FAM135A: variants seen among roughly 807,000 people sequenced by gnomAD.
FAM135A encodes family with sequence similarity 135 member A, also known as protein FAM135A.
Under a neutral mutation model 146.8 loss-of-function variants are expected in FAM135A, and 79 were observed. The ratio of observed to expected loss-of-function variants is 0.54; its 90% CI spans 0.45 to 0.65. The LOEUF is 0.65. Ranked by LOEUF, FAM135A falls within the 30% of genes least tolerant of loss-of-function variation. FAM135A has a pLI of 0.00. For missense variants in FAM135A, 1,623 were observed against 1,758.2 expected (o/e 0.92, Z 1.38); for synonymous variants, 562 against 603.6 (o/e 0.93, Z 1.01).
chr6:70,458,975 A>T (rs1778908395), intron 5 of FAM135A, among the ~76,000 whole-genome samples: 1 of 152,152 alleles, frequency 6.6e-6, no homozygotes. Flanking sequence ...CTGCCTCAAG[A>T]AATTGCTCCC....
Position 70,533,814 on chromosome 6 carries a change from C to G in FAM135A, c.3925C>G (p.Gln1309Glu). Residue 1309 changes from glutamine (Q) to glutamate (E), a missense_variant, in exon 18 of 22, where the codon CAG becomes GAG. By Grantham distance (29) the Gln-to-Glu change is conservative (BLOSUM62 2). Around this residue, in one of 7 missense-constraint regions of FAM135A, gnomAD observed 1,061 missense variants for 1,113.8 expected, o/e 0.95. Coordinates refer to ENST00000418814, the MANE Select transcript of FAM135A (RefSeq NM_001162529.3). The part of the protein sequence containing the change: ...MTDRLLDEII[Q>E]YIQIYSLTVS... ...TGATCGTCTTTTGGATGAGATAATA[C>G]AGTATATTCAGATATATAGTCTAAC... is the stretch of plus-strand genomic sequence containing the variant. 6.4e-7 allele frequency: 1 copy of G among 1,574,600 alleles called. No individual in the cohort carries two copies. Among genetic ancestry groups the G allele is most frequent in the Non-Finnish European group, 8.6e-7 (1 of 1,163,964 alleles).
chr6:70,481,882 A>G (rs1783769876), intron 9 of FAM135A, 119 bp from the exon 10 acceptor site: 2 of 903,568 alleles, frequency 2.2e-6, no homozygotes, highest in Non-Finnish European at 3.2e-6. Context: ...CATTTTTTAT[A>G]TGTATTAGAA....
chr6:70,493,334 C>T (rs1294505087), intron 11 of FAM135A, among the ~76,000 whole-genome samples: 1 of 151,736 alleles, frequency 6.6e-6, no homozygotes, highest in Non-Finnish European at 1.5e-5. Context: ...AACAGTAATA[C>T]AGAAAAAAAG....
At chr6:70,545,626 A>G (rs1396530949) in intron 20 of FAM135A, among the ~76,000 whole-genome samples, 1 of 152,168 alleles carries the variant, frequency 6.6e-6, no homozygotes, top group Non-Finnish European at 1.5e-5. Context: ...AAAAAGAAAA[A>G]GAGTACCATT....
chr6:70,524,839 A>G lies in FAM135A; in HGVS notation c.1755A>G (p.Gln585=). Residue 585 remains glutamine (Q), a synonymous_variant, in exon 15 of 22, where the codon CAA becomes CAG. Coordinates refer to ENST00000418814, the MANE Select transcript of FAM135A (RefSeq NM_001162529.3). The part of the protein sequence containing the change: ...CLPTNTERTE[Q]KSPDIENVQP... ...CAACTAATACAGAGAGAACTGAACA[A>G]AAGTCTCCAGATATTGAAAATGTTC... 2.5e-6 allele frequency: 4 copies of G among 1,585,650 alleles called. No homozygotes were observed. Among genetic ancestry groups the G allele is most frequent in the Non-Finnish European group, 3.4e-6 (4 of 1,165,108 alleles).
intron 2 of FAM135A, among the ~76,000 whole-genome samples, 193 bp downstream of exon 2, chr6:70,415,569 A>G (rs1352175818): frequency 6.6e-6 from 1 of 152,178 alleles, no homozygotes; most frequent in African/African-American, 2.4e-5. Context: ...AAGATTTTTT[A>G]AAAATGATTT....
intron 20 of FAM135A, among the ~76,000 whole-genome samples, chr6:70,538,835 A>ATTATG (rs1554166984): frequency 3.5e-4 from 51 of 146,074 alleles, no homozygotes; most frequent in African/African-American, 1.2e-3. Flanking sequence ...ATTATATTAT[A>ATTATG]TTATATTATA....
intron 10 of FAM135A, among the ~76,000 whole-genome samples, chr6:70,490,816 C>T (rs1458544144): frequency 6.6e-6 from 1 of 151,906 alleles, no homozygotes; most frequent in Non-Finnish European, 1.5e-5. Context: ...ACAGTGTTAA[C>T]TCTTGTGAAA....
chr6:70,559,936 T>TA lies in FAM135A; in HGVS notation c.*16dup. 6.3e-7 allele frequency: 1 copy of TA among 1,585,568 alleles called. No homozygotes were observed. The highest frequency in any genetic ancestry group is 1.3e-5 in the African/African-American group (1 of 74,470). ...ATTTCCAATAGTATAAAAGCATTGT[T>TA]AGCGACTGGACAATTACCTCATTCA... On this transcript the variant is annotated 3_prime_UTR_variant, in exon 22 of 22. Transcript: ENST00000418814.
intron 20 of FAM135A, among the ~76,000 whole-genome samples, chr6:70,547,541 C>G: frequency 6.6e-6 from 1 of 152,214 alleles, no homozygotes; most frequent in South Asian, 2.1e-4. Context: ...CACTTTTCCA[C>G]CTTCAGCAGT....
At chr6:70,556,679 A>C in intron 20 of FAM135A, 71 bp from the exon 21 acceptor site, 1 of 1,015,192 alleles carries the variant, frequency 9.9e-7, no homozygotes, top group South Asian at 2.0e-5. Context: ...TTGGTCACTT[A>C]ATATGATACT....
Position 70,510,689 on chromosome 6 carries a change from C to T in FAM135A, c.1029+7898C>T, listed in dbSNP as rs573581994. ...TCATTGATAGACATTTAAGTTCTTTCTACCTATTGACTACTATGAATAGTT... is the reference window on the plus strand; with the variant it reads ...TCATTGATAGACATTTAAGTTCTTTTTACCTATTGACTACTATGAATAGTT... On this transcript the variant is annotated intron_variant, in intron 12 of 21. Transcript: ENST00000418814. Among the ~76,000 whole-genome samples, 9 of 152,162 alleles carry T rather than the reference C, an allele frequency of 5.9e-5. No homozygotes were observed. In the East Asian group the frequency reaches 1.5e-3, roughly 26 times the overall value.
intron 4 of FAM135A, among the ~76,000 whole-genome samples, chr6:70,431,544 GA>G (rs1318775409): frequency 5.3e-4 from 81 of 152,286 alleles, no homozygotes; most frequent in African/African-American, 1.9e-3. Flanking sequence ...TCCACCACAA[GA>G]TACTGGCCAA....
intron 5 of FAM135A, among the ~76,000 whole-genome samples, chr6:70,456,580 T>A (rs1468472507): frequency 6.6e-6 from 1 of 152,222 alleles, no homozygotes; most frequent in Admixed American, 6.5e-5. Context: ...CATTTGAAAA[T>A]AAAATCTTAT....
At chr6:70,434,529 T>C (rs975839613) in intron 4 of FAM135A, among the ~76,000 whole-genome samples, 6 of 152,232 alleles carry the variant, frequency 3.9e-5, no homozygotes, top group Admixed American at 2.6e-4. Flanking sequence ...AATAGTGTGC[T>C]TTGCAATATA....
At chr6:70,487,083 C>CAAAA (rs34560435) in intron 10 of FAM135A, among the ~76,000 whole-genome samples, 57 of 40,586 alleles carry the variant, frequency 1.4e-3, no homozygotes, top group African/African-American at 2.7e-3. Flanking sequence ...ACTCCCATCT[C>CAAAA]AAAAAAAAAA....
intron 5 of FAM135A, among the ~76,000 whole-genome samples, chr6:70,458,965 C>T (rs1472980324): frequency 3.9e-5 from 6 of 152,100 alleles, no homozygotes; most frequent in Non-Finnish European, 8.8e-5. Context: ...GTATCCTTTT[C>T]TGCCTCAAGA....
intron 4 of FAM135A, among the ~76,000 whole-genome samples, chr6:70,430,210 G>A (rs567909082): frequency 6.6e-6 from 1 of 152,000 alleles, no homozygotes; most frequent in Non-Finnish European, 1.5e-5. Flanking sequence ...GGTGGTGGAC[G>A]CCTGTAATCC....
At chr6:70,493,910 G>A (rs768956559) in intron 11 of FAM135A, among the ~76,000 whole-genome samples, 7 of 151,792 alleles carry the variant, frequency 4.6e-5, no homozygotes, top group Admixed American at 6.6e-5. Flanking sequence ...AAAATTAGCC[G>A]GGCATGGTGG....
Sources: gnomAD v4.1 joint callset for allele counts (sites outside exome capture counted in the v4.1 genomes callset) on GRCh38, gnomAD v4.1.1 for gene constraint, gnomAD v4.1.1 regional missense constraint, MANE v1.5 for transcripts, NCBI Gene and HGNC (gene_info 2026-07-23, HGNC 2026-07-21) for gene names.